CNTN4: variants seen among roughly 807,000 people sequenced by gnomAD.
The protein encoded by CNTN4 is contactin 4, also known as contactin-4.
In CNTN4, 77 loss-of-function variants were observed where a neutral mutation model predicts 122.5. The ratio of observed to expected loss-of-function variants is 0.63; its 90% CI spans 0.52 to 0.76. The LOEUF is 0.76. Ranked by LOEUF, CNTN4 falls within the 30% of genes least tolerant of loss-of-function variation. The pLI is 0.00. For synonymous variants in CNTN4, 512 were observed against 447.0 expected (o/e 1.15, Z -1.83); for missense variants, 1,256 against 1,259.1 (o/e 1.00, Z 0.04).
intron 3 of CNTN4, among the ~76,000 whole-genome samples, chr3:2,423,141 G>A (rs753928854): frequency 6.6e-6 from 1 of 152,196 alleles, no homozygotes; most frequent in Non-Finnish European, 1.5e-5. Flanking sequence ...CTGACTCCTA[G>A]AAGTGGTGTT....
intron 7 of CNTN4, among the ~76,000 whole-genome samples, chr3:2,845,760 C>T (rs577080290): frequency 4.1e-4 from 63 of 152,166 alleles, no homozygotes; most frequent in Non-Finnish European, 6.8e-4. Context: ...GAGTCAGTGA[C>T]GTGGAGTTGA....
intron 2 of CNTN4, among the ~76,000 whole-genome samples, chr3:2,153,663 C>A (rs77509778): frequency 6.9e-6 from 1 of 144,144 alleles, no homozygotes; most frequent in Non-Finnish European, 1.5e-5. Flanking sequence ...TTATTCTGAG[C>A]GGGGAGGTAG....
intron 2 of CNTN4, among the ~76,000 whole-genome samples, chr3:2,324,431 T>G (rs2043381033): frequency 6.6e-6 from 1 of 152,200 alleles, no homozygotes; most frequent in Non-Finnish European, 1.5e-5. Context: ...GAGTTATACC[T>G]TTATCCTATA....
At chr3:2,767,741 A>T (rs1415666884) in intron 6 of CNTN4, among the ~76,000 whole-genome samples, 1 of 152,214 alleles carries the variant, frequency 6.6e-6, no homozygotes, top group Non-Finnish European at 1.5e-5. Flanking sequence ...GTCTTACGAT[A>T]ATAAGAAGCA....
At chr3:2,947,860 T>C (rs961682997) in intron 13 of CNTN4, among the ~76,000 whole-genome samples, 1 of 152,236 alleles carries the variant, frequency 6.6e-6, no homozygotes, top group African/African-American at 2.4e-5. Context: ...AAACGGAGAA[T>C]TAAACTTGCC....
At chr3:2,945,667 C>T (rs943395390) in intron 13 of CNTN4, among the ~76,000 whole-genome samples, 5 of 152,112 alleles carry the variant, frequency 3.3e-5, no homozygotes, top group Admixed American at 2.6e-4. Context: ...TAAAAAACTT[C>T]GACATCAGAT....
intron 13 of CNTN4, among the ~76,000 whole-genome samples, chr3:2,939,015 C>G (rs1190080826): frequency 6.6e-6 from 1 of 152,154 alleles, no homozygotes; most frequent in African/African-American, 2.4e-5. Flanking sequence ...TTCCTCCTAA[C>G]TTTGTCATCT....
rs566645819 is a variant in CNTN4 at position 2,734,205 on chromosome 3, C to T, written c.56-2010C>T. ...CTTCCTGAGTAGCTGGGACTAGAGG[C>T]GCATGCCACCAAGCCCAGCTAATTT... On this transcript the variant is annotated intron_variant, in intron 4 of 24. Transcript: ENST00000418658. 1.5e-4 allele frequency among the ~76,000 whole-genome samples: 23 copies of T among 152,166 alleles called. 1 individual carries two copies. In the East Asian group the frequency reaches 3.1e-3, roughly 21 times the overall value.
rs535284645 is a variant in CNTN4, at chr3:2,362,777, G to A, written c.-89+23544G>A. On this transcript the variant is annotated intron_variant, in intron 3 of 24. Transcript: ENST00000418658. ...AACTGACCAAGGACCCTAGACCTGG[G>A]TGCTTGGATGGGAAAGAGAAAAAGG... 24 of 195,550 alleles carry A rather than the reference G, an allele frequency of 1.2e-4. No homozygotes were observed. In the South Asian group the frequency reaches 2.2e-3, roughly 18 times the overall value. 12.1% of individuals were successfully genotyped at this position (195,550 alleles called of 1,614,324 possible).
intron 2 of CNTN4, among the ~76,000 whole-genome samples, chr3:2,220,538 T>C (rs1427703979): frequency 5.3e-5 from 8 of 152,150 alleles, no homozygotes; most frequent in Admixed American, 5.2e-4. Flanking sequence ...GACATTAATA[T>C]TTTCCATGGA....
intron 3 of CNTN4, among the ~76,000 whole-genome samples, chr3:2,570,868 T>G (rs747104037): frequency 3.5e-4 from 53 of 152,188 alleles, no homozygotes; most frequent in Non-Finnish European, 5.7e-4. Context: ...ATTTCTCTCA[T>G]TAGACACTGG....
intron 7 of CNTN4, among the ~76,000 whole-genome samples, chr3:2,823,235 CA>C (rs1472273387): frequency 1.3e-5 from 2 of 152,140 alleles, no homozygotes; most frequent in Non-Finnish European, 2.9e-5. Flanking sequence ...TCCATTGTAA[CA>C]GATCATGCAG....
At chr3:2,752,330 T>G (rs1018165220) in intron 6 of CNTN4, among the ~76,000 whole-genome samples, 4 of 152,184 alleles carry the variant, frequency 2.6e-5, no homozygotes, top group African/African-American at 9.6e-5. Flanking sequence ...AAATTCTCTC[T>G]TCTGAAAATT....
intron 13 of CNTN4, among the ~76,000 whole-genome samples, chr3:2,932,190 A>G (rs1227442068): frequency 4.6e-5 from 7 of 152,054 alleles, no homozygotes; most frequent in Admixed American, 6.5e-5. Flanking sequence ...ATCCTGGCTA[A>G]CACGGTGAAA....
chr3:2,102,154 A>G (rs1231660662), intron 2 of CNTN4, among the ~76,000 whole-genome samples: 2 of 152,242 alleles, frequency 1.3e-5, no homozygotes, highest in Non-Finnish European at 2.9e-5. Flanking sequence ...CTAAGTACCA[A>G]TGGTCAGGAA....
chr3:2,293,411 A>G (rs1016406507), intron 2 of CNTN4, among the ~76,000 whole-genome samples: 1 of 152,300 alleles, frequency 6.6e-6, no homozygotes, highest in African/African-American at 2.4e-5. Context: ...CATCATTGTT[A>G]GTATTATTGA....
intron 2 of CNTN4, among the ~76,000 whole-genome samples, chr3:2,181,971 C>G (rs564282374): frequency 6.6e-6 from 1 of 152,210 alleles, no homozygotes; most frequent in African/African-American, 2.4e-5. Flanking sequence ...CTGAATGCTT[C>G]TAGGCATTTC....
rs1168343025 is a variant in CNTN4, at chr3:3,034,810, G to C, written c.1942+20G>C. The C allele has an allele frequency of 6.2e-7, 1 of 1,613,800 alleles. No individual in the cohort carries two copies. Among genetic ancestry groups the C allele is most frequent in the Non-Finnish European group, 8.5e-7 (1 of 1,179,794 alleles). On this transcript the variant is annotated intron_variant, in intron 17 of 24. Transcript: ENST00000418658. ...GTACAGGTACCATATTGGATGCTTG[G>C]CTCAGAGACATTGGGAACTCAGCAT...
chr3:2,294,938 T>C (rs1486336962), intron 2 of CNTN4, among the ~76,000 whole-genome samples: 3 of 152,162 alleles, frequency 2.0e-5, no homozygotes, highest in South Asian at 4.1e-4. Context: ...TTCAGTTTTT[T>C]GTCCTTGTGA....
Sources: allele counts gnomAD v4.1 joint callset (sites outside exome capture counted in the v4.1 genomes callset), GRCh38; gene constraint gnomAD v4.1.1; transcripts MANE v1.5; gene names NCBI Gene and HGNC (gene_info 2026-07-23, HGNC 2026-07-21).